Variants in NCKAP5 observed in about 807,000 individuals in gnomAD.
NCKAP5 encodes the protein nck-associated protein 5.
NCKAP5 carries 92 observed loss-of-function variants against 167.0 expected under a neutral mutation model. The ratio of observed to expected loss-of-function variants is 0.55; its 90% CI spans 0.47 to 0.66. NCKAP5 has a LOEUF of 0.66. NCKAP5 is among the 30% of genes least tolerant of loss of function. The pLI is 0.00. For synonymous variants in NCKAP5, 891 were observed against 877.4 expected (o/e 1.02, Z -0.27); for missense variants, 2,378 against 2,315.0 (o/e 1.03, Z -0.56).
chr2:133,250,254 G>A (rs1431344471), intron 4 of NCKAP5, among the ~76,000 whole-genome samples: 1 of 152,032 alleles, frequency 6.6e-6, no homozygotes, highest in African/African-American at 2.4e-5. Flanking sequence ...TTGACGTGAG[G>A]GTGAGGCAGC....
At chr2:133,111,200 A>G (rs2081898579) in intron 6 of NCKAP5, among the ~76,000 whole-genome samples, 1 of 152,012 alleles carries the variant, frequency 6.6e-6, no homozygotes, top group Admixed American at 6.6e-5. Flanking sequence ...TCTCCCACAC[A>G]TTTTCTGCTT....
intron 3 of NCKAP5, among the ~76,000 whole-genome samples, chr2:133,351,599 T>C (rs1684366540): frequency 2.0e-5 from 3 of 152,218 alleles, no homozygotes; most frequent in Admixed American, 1.3e-4. Flanking sequence ...CTAAGATGAT[T>C]TCCTTGTTTC....
At chr2:133,296,962 A>AT (rs1364528235) in intron 4 of NCKAP5, among the ~76,000 whole-genome samples, 23 of 152,214 alleles carry the variant, frequency 1.5e-4, no homozygotes, top group Admixed American at 4.6e-4. Flanking sequence ...ATGGATAAAG[A>AT]TTTTTTATCA....
intron 11 of NCKAP5, among the ~76,000 whole-genome samples, chr2:132,845,885 A>C (rs1388170429): frequency 6.6e-6 from 1 of 152,194 alleles, no homozygotes; most frequent in Non-Finnish European, 1.5e-5. Flanking sequence ...TAACATTTTT[A>C]TAACATTGAC....
intron 3 of NCKAP5, among the ~76,000 whole-genome samples, chr2:133,325,454 G>A (rs1682368595): frequency 6.6e-6 from 1 of 152,186 alleles, no homozygotes; most frequent in Admixed American, 6.5e-5. Context: ...GATGTTTCCT[G>A]AGGGATTTCC....
intron 3 of NCKAP5, among the ~76,000 whole-genome samples, chr2:133,484,933 C>A (rs1680777121): frequency 6.6e-6 from 1 of 152,170 alleles, no homozygotes; most frequent in Non-Finnish European, 1.5e-5. Flanking sequence ...GTAGTCCCAG[C>A]ACTGACACTA....
chr2:132,932,812 T>C (rs1696496547), intron 8 of NCKAP5, among the ~76,000 whole-genome samples: 1 of 152,000 alleles, frequency 6.6e-6, no homozygotes, highest in South Asian at 2.1e-4. Context: ...TTAGTTCCCA[T>C]CTGGGGGCAA....
intron 16 of NCKAP5, among the ~76,000 whole-genome samples, chr2:132,762,746 A>C (rs933759976): frequency 1.4e-4 from 21 of 152,228 alleles, no homozygotes; most frequent in African/African-American, 5.1e-4. Flanking sequence ...GCAAGAAAAG[A>C]TACCAGCCCC....
intron 16 of NCKAP5, among the ~76,000 whole-genome samples, chr2:132,773,575 A>G (rs902211850): frequency 6.6e-6 from 1 of 152,216 alleles, no homozygotes; most frequent in East Asian, 1.9e-4. Flanking sequence ...ATATTGACAA[A>G]TACTTCTCAT....
At chr2:133,389,854 G>A (rs191471987) in intron 3 of NCKAP5, among the ~76,000 whole-genome samples, 24 of 152,242 alleles carry the variant, frequency 1.6e-4, no homozygotes, top group African/African-American at 4.8e-4. Flanking sequence ...CAGAGTGGCC[G>A]TCTAGTGGCT....
At chr2:133,186,573 T>C (rs1051086429) in intron 5 of NCKAP5, among the ~76,000 whole-genome samples, 1 of 152,140 alleles carries the variant, frequency 6.6e-6, no homozygotes, top group African/African-American at 2.4e-5. Context: ...TATGACTCAA[T>C]CTGGTCCAGG....
At chr2:132,922,307 C>T (rs1417600910) in intron 8 of NCKAP5, among the ~76,000 whole-genome samples, 1 of 152,092 alleles carries the variant, frequency 6.6e-6, no homozygotes, top group Non-Finnish European at 1.5e-5. Flanking sequence ...TCTATGTGAC[C>T]AGAGAGTAGG....
At chr2:133,399,320 T>C (rs1177053772) in intron 3 of NCKAP5, among the ~76,000 whole-genome samples, 2 of 151,638 alleles carry the variant, frequency 1.3e-5, no homozygotes, top group East Asian at 3.9e-4. Context: ...TGGAGGACTA[T>C]GGCAGGTAGA....
At chr2:133,607,952 AT>A in the NCKAP5 span, among the ~76,000 whole-genome samples, 1 of 152,218 alleles carries the variant, frequency 6.6e-6, no homozygotes, top group South Asian at 2.1e-4. Flanking sequence ...ATAAAATCCA[AT>A]AACAACTTAC....
chr2:133,210,200 T>TAATATAATATAATATAAC (rs1351794723), intron 5 of NCKAP5, among the ~76,000 whole-genome samples: 14 of 148,446 alleles, frequency 9.4e-5, no homozygotes, highest in African/African-American at 3.5e-4. Context: ...TAATATAACA[T>TAATATAATATAATATAAC]AATATAATGT....
rs549792924 is a variant in NCKAP5 at position 133,435,165 on chromosome 2, G to A, written c.69+82293C>T. The stretch of plus-strand genomic sequence containing the variant: ...TACTCTTATATTCAAGTGGGGGTTG[G>A]AGAGTGGGTGGGAATGTTTCAGGGA... On this transcript the variant is annotated intron_variant, in intron 3 of 19. Coordinates refer to ENST00000409261, the MANE Select transcript of NCKAP5 (RefSeq NM_207363.3). Among the ~76,000 whole-genome samples the A allele has an allele frequency of 3.4e-3, 516 of 152,280 alleles. 6 individuals are homozygous for A. Among genetic ancestry groups the A allele is most frequent in the African/African-American group, 0.011 (458 of 41,540 alleles).
chr2:133,216,827 G>A (rs181372948), intron 4 of NCKAP5, among the ~76,000 whole-genome samples: 2 of 152,138 alleles, frequency 1.3e-5, no homozygotes, highest in Admixed American at 6.6e-5. Context: ...TGGCTGTGTC[G>A]GAGGAGTAAG....
intron 5 of NCKAP5, among the ~76,000 whole-genome samples, chr2:133,162,051 T>C (rs1574232510): frequency 6.6e-6 from 1 of 152,338 alleles, no homozygotes; most frequent in South Asian, 2.1e-4. Flanking sequence ...TTGCACTTAC[T>C]CATTCTTGGC....
intron 5 of NCKAP5, among the ~76,000 whole-genome samples, chr2:133,162,202 C>T (rs1403017906): frequency 6.6e-6 from 1 of 150,798 alleles, no homozygotes; most frequent in Non-Finnish European, 1.5e-5. Flanking sequence ...AGGCCAAGAA[C>T]AAATATTTTT....
Sources: allele counts gnomAD v4.1 joint callset (sites outside exome capture counted in the v4.1 genomes callset), GRCh38; gene constraint gnomAD v4.1.1; transcripts MANE v1.5; gene names NCBI Gene and HGNC (gene_info 2026-07-23, HGNC 2026-07-21).